The following CUBN variants were observed in gnomAD, a reference collection of about 807,000 sequenced individuals.
The protein encoded by CUBN is 460 kDa receptor.
CUBN carries 282 observed loss-of-function variants against 405.3 expected under a neutral mutation model. That is an observed-to-expected ratio of 0.70 (90% CI 0.63 to 0.77). The LOEUF (loss-of-function observed/expected upper bound fraction) is 0.77, where lower values mean the gene tolerates loss of function less well. Ranked by LOEUF, CUBN falls within the 30% of genes least tolerant of loss-of-function variation. CUBN has a pLI of 0.00. For synonymous variants in CUBN, 1,684 were observed against 1,617.0 expected (o/e 1.04, Z -0.99); for missense variants, 4,514 against 4,475.2 (o/e 1.01, Z -0.25).
intron 30 of CUBN, among the ~76,000 whole-genome samples, chr10:16,983,135 C>G (rs991998553): frequency 2.0e-5 from 3 of 152,050 alleles, no homozygotes; most frequent in African/African-American, 7.2e-5. Flanking sequence ...TATCAAATAC[C>G]TGTTAGTTCA....
At chr10:16,909,086 C>G (rs1841647585) in intron 48 of CUBN, among the ~76,000 whole-genome samples, 1 of 151,380 alleles carries the variant, frequency 6.6e-6, no homozygotes, top group Non-Finnish European at 1.5e-5. Context: ...GGGGTTTCAC[C>G]TTGTTAGCCA....
intron 58 of CUBN, among the ~76,000 whole-genome samples, chr10:16,870,288 G>C (rs1840314226): frequency 6.6e-6 from 1 of 152,186 alleles, no homozygotes; most frequent in Admixed American, 6.5e-5. Flanking sequence ...TGGGAAGCAT[G>C]TTAATATAAT....
At chr10:16,882,669 T>A (rs769858452) in intron 56 of CUBN, among the ~76,000 whole-genome samples, 1 of 152,140 alleles carries the variant, frequency 6.6e-6, no homozygotes, top group Non-Finnish European at 1.5e-5. Flanking sequence ...AACCCTTTGT[T>A]TGGGATATTT....
chr10:17,112,055 A>C (rs1052425003), intron 8 of CUBN, among the ~76,000 whole-genome samples: 2 of 152,220 alleles, frequency 1.3e-5, no homozygotes, highest in African/African-American at 4.8e-5. Context: ...CAAATGACTA[A>C]TGGTGTCATT....
intron 31 of CUBN, among the ~76,000 whole-genome samples, chr10:16,979,798 T>A (rs141633270): frequency 0.025 from 3,782 of 152,200 alleles, 152 homozygotes; most frequent in African/African-American, 0.087. Context: ...ACTTCATGAT[T>A]TAAACACCAA....
intron 59 of CUBN, among the ~76,000 whole-genome samples, chr10:16,861,165 C>T (rs1247484979): frequency 2.8e-3 from 401 of 143,852 alleles, no homozygotes; most frequent in African/African-American, 9.8e-3. Flanking sequence ...CAATGAATGC[C>T]TTTTTTTTTT....
intron 9 of CUBN, among the ~76,000 whole-genome samples, chr10:17,109,960 T>C (rs796902435): frequency 1.3e-5 from 2 of 152,188 alleles, no homozygotes; most frequent in Admixed American, 1.3e-4. Flanking sequence ...TTGTTTCTAA[T>C]GAAAAAAATA....
At chr10:17,047,761 T>C (rs1835173001) in intron 22 of CUBN, among the ~76,000 whole-genome samples, 158 bp from the exon 23 acceptor site, 1 of 152,142 alleles carries the variant, frequency 6.6e-6, no homozygotes, top group African/African-American at 2.4e-5. Flanking sequence ...AACAAAGTTT[T>C]TGTAATCTTA....
chr10:16,972,581 G>A (rs1242307491), intron 31 of CUBN, among the ~76,000 whole-genome samples: 3 of 151,976 alleles, frequency 2.0e-5, no homozygotes, highest in African/African-American at 7.3e-5. Context: ...GGGAATACAG[G>A]TATGTGCCAC....
intron 27 of CUBN, among the ~76,000 whole-genome samples, chr10:17,040,677 T>C (rs1834998380): frequency 6.6e-6 from 1 of 152,046 alleles, no homozygotes; most frequent in Admixed American, 6.6e-5. Flanking sequence ...AAAAATGACA[T>C]CTTAAATAAA....
chr10:16,854,715 T>G (rs1839818260), intron 59 of CUBN, among the ~76,000 whole-genome samples: 1 of 152,200 alleles, frequency 6.6e-6, no homozygotes, highest in African/African-American at 2.4e-5. Context: ...ACTAATAAGT[T>G]CATAAGGGCA....
rs113120646 is a variant in CUBN, at chr10:17,078,653, G to C, written c.2301+5618C>G. On this transcript the variant is annotated intron_variant, in intron 17 of 66. Transcript: ENST00000377833. ...CTAAGTGGTTTGATAAATATTTAGA[G>C]AATGAATAGATAAATGAATGAATGG... 9.5e-3 allele frequency among the ~76,000 whole-genome samples: 1,443 copies of C among 152,220 alleles called. 20 individuals carry two copies. Among genetic ancestry groups the C allele is most frequent in the African/African-American group, 0.033 (1,371 of 41,520 alleles).
chr10:17,039,554 G>T (rs571380451), intron 27 of CUBN, among the ~76,000 whole-genome samples: 2 of 152,246 alleles, frequency 1.3e-5, no homozygotes, highest in South Asian at 4.1e-4. Flanking sequence ...GGCTTTGAAA[G>T]CAACTTTTCT....
At chr10:16,872,569 A>G (rs1168605245) in intron 58 of CUBN, among the ~76,000 whole-genome samples, 1 of 152,282 alleles carries the variant, frequency 6.6e-6, no homozygotes, top group South Asian at 2.1e-4. Flanking sequence ...CTTCCAGCTC[A>G]TGAAGACACA....
intron 22 of CUBN, among the ~76,000 whole-genome samples, chr10:17,063,549 T>C (rs1294933412): frequency 6.6e-6 from 1 of 152,198 alleles, no homozygotes; most frequent in East Asian, 1.9e-4. Context: ...CTATCTCTTT[T>C]CCTGACTCAT....
Position 16,862,143 on chromosome 10 carries a change from G to A in CUBN, c.9454+7493C>T, listed in dbSNP as rs762759273. Among the ~76,000 whole-genome samples the A allele has an allele frequency of 1.0e-3, 126 of 121,382 alleles. 1 individual carries two copies. The highest frequency in any genetic ancestry group is 7.3e-4 in the Admixed American group (8 of 10,978). The allele number at this position is 121,382 out of a possible 152,430, so 79.6% of individuals were successfully genotyped here. A position where few individuals can be genotyped will look rare whatever the true frequency, so the allele number is the denominator to read the frequency against. On this transcript the variant is annotated intron_variant, in intron 59 of 66. Transcript: ENST00000377833. ...CAGCCTGGCAACAGAGTGAGACTCC[G>A]TCTCTCTCTCTCTCTCTCACACACA...
chr10:17,121,088 T>C (rs1229878339), intron 6 of CUBN, among the ~76,000 whole-genome samples: 1 of 152,200 alleles, frequency 6.6e-6, no homozygotes, highest in Non-Finnish European at 1.5e-5. Flanking sequence ...AAAGGCTTCA[T>C]TTAAATGAGA....
At position 16,900,681 on chromosome 10, in the gene CUBN, G is replaced by C. The variant is rs1307951702; in HGVS notation, c.8354C>G (p.Ser2785Ter). Residue 2785 changes from serine to a stop codon, truncating the protein, a stop_gained, in exon 53 of 67, where the codon TCA becomes TGA. Transcript: ENST00000377833. LOFTEE classifies it high-confidence loss of function. ...GSNQLVVTFN[S>*]DHSLQGGGFY... ...TCCACCACCTTGCAATGAATGGTCT[G>C]AGTTAAAAGTCACGACCAGCTGATT... 1 of 1,614,194 alleles carries C rather than the reference G, an allele frequency of 6.2e-7. No homozygotes were observed. The highest frequency in any genetic ancestry group is 1.1e-5 in the South Asian group (1 of 91,084).
chr10:17,085,888 C>A (rs763529813), intron 15 of CUBN, 129 bp from the exon 16 acceptor site: 47 of 808,060 alleles, frequency 5.8e-5, no homozygotes, highest in Non-Finnish European at 6.9e-5. Flanking sequence ...CCCATCACAT[C>A]CAAATGTAAC....
Sources: gnomAD v4.1 joint callset for allele counts (sites outside exome capture counted in the v4.1 genomes callset) on GRCh38, gnomAD v4.1.1 for gene constraint, MANE v1.5 for transcripts, NCBI Gene and HGNC (gene_info 2026-07-23, HGNC 2026-07-21) for gene names.